Variants in SNX6 observed in about 807,000 individuals in gnomAD.
SNX6 encodes sorting nexin 6.
In SNX6, 34 loss-of-function variants were observed where a neutral mutation model predicts 63.0. The observed-to-expected ratio is 0.54, with a 90% CI of 0.41 to 0.72. The LOEUF is 0.72. Among genes scored for constraint, SNX6 ranks in the 30% least tolerant of loss-of-function variants. The pLI, the probability that SNX6 is intolerant of heterozygous loss-of-function variation, is 0.00. For missense variants in SNX6, 398 were observed against 471.4 expected, an observed-to-expected ratio of 0.84 and a Z score of 1.44; for synonymous variants, 170 against 164.2, an observed-to-expected ratio of 1.04 and a Z score of -0.27.
At chr14:34,623,168 A>G (rs1462348666) in intron 2 of SNX6, among the ~76,000 whole-genome samples, 1 of 152,202 alleles carries the variant, frequency 6.6e-6, no homozygotes, top group Non-Finnish European at 1.5e-5. Flanking sequence ...GTAACTATCA[A>G]TAAATGTGGC....
intron 4 of SNX6, among the ~76,000 whole-genome samples, chr14:34,607,345 C>A (rs563674054): frequency 2.4e-4 from 37 of 152,120 alleles, no homozygotes; most frequent in African/African-American, 8.7e-4. Flanking sequence ...GCAGCTCATG[C>A]CTGTAATCCC....
At chr14:34,620,151 G>A (rs1273162560) in intron 2 of SNX6, among the ~76,000 whole-genome samples, 1 of 152,156 alleles carries the variant, frequency 6.6e-6, no homozygotes, top group Admixed American at 6.6e-5. Context: ...GTCCAGTCCT[G>A]TGCAACTCTG....
At chr14:34,579,970 A>ACAT (rs1185837445) in intron 10 of SNX6, among the ~76,000 whole-genome samples, 7 of 152,214 alleles carry the variant, frequency 4.6e-5, no homozygotes, top group African/African-American at 1.7e-4. Flanking sequence ...AGATCACTTG[A>ACAT]CATCAGGACT....
intron 4 of SNX6, among the ~76,000 whole-genome samples, chr14:34,606,953 T>C (rs1279040709): frequency 6.6e-6 from 1 of 151,608 alleles, no homozygotes; most frequent in Non-Finnish European, 1.5e-5. Flanking sequence ...TTTTTAAAAA[T>C]ATTTTTAGTA....
At chr14:34,599,941 A>G (rs1404470605) in intron 6 of SNX6, among the ~76,000 whole-genome samples, 1 of 152,022 alleles carries the variant, frequency 6.6e-6, no homozygotes, top group Non-Finnish European at 1.5e-5. Context: ...CATAGCTCAA[A>G]TTCTAACAGC....
chr14:34,630,117 G>T lies in SNX6; in HGVS notation c.-1C>A. 1.5e-6 allele frequency: 2 copies of T among 1,378,992 alleles called. No homozygotes were observed. Among genetic ancestry groups the T allele is most frequent in the Non-Finnish European group, 1.9e-6 (2 of 1,073,588 alleles). The allele number at this position is 1,378,992 out of a possible 1,614,324, so 85.4% of individuals were successfully genotyped here. A position where few individuals can be genotyped will look rare whatever the true frequency, so the allele number is the denominator to read the frequency against. On this transcript the variant is annotated 5_prime_UTR_variant, in exon 1 of 14. Transcript: ENST00000362031. ...CGCCGCGGAGAACACCCACCATCATGGCTGCTCCGAGGCGAGGGCCGGCGC... is the reference window on the plus strand; with the variant it reads ...CGCCGCGGAGAACACCCACCATCATTGCTGCTCCGAGGCGAGGGCCGGCGC...
intron 6 of SNX6, among the ~76,000 whole-genome samples, chr14:34,602,457 G>A (rs1436900266): frequency 3.3e-5 from 5 of 151,456 alleles, no homozygotes; most frequent in Non-Finnish European, 7.4e-5. Context: ...TGGGCATGGC[G>A]GCATGCGCCT....
At chr14:34,567,610 G>C (rs879376341) in intron 13 of SNX6, 76 bp downstream of exon 13, 221 of 1,127,500 alleles carry the variant, frequency 2.0e-4, no homozygotes, top group Non-Finnish European at 2.7e-4. Context: ...TGACATTAAA[G>C]AATTATCAAT....
At chr14:34,612,915 G>A (rs1313025931) in intron 2 of SNX6, among the ~76,000 whole-genome samples, 1 of 151,922 alleles carries the variant, frequency 6.6e-6, no homozygotes, top group Non-Finnish European at 1.5e-5. Context: ...TGGGTGCGGT[G>A]GTGCATGCCT....
At chr14:34,628,098 C>T (rs770398703) in intron 2 of SNX6, among the ~76,000 whole-genome samples, 2 of 152,136 alleles carry the variant, frequency 1.3e-5, no homozygotes, top group African/African-American at 2.4e-5. Context: ...CGCCTATAAT[C>T]GCAGGAGGAT....
intron 10 of SNX6, among the ~76,000 whole-genome samples, chr14:34,579,364 T>C (rs1265458197): frequency 6.6e-6 from 1 of 152,118 alleles, no homozygotes; most frequent in Non-Finnish European, 1.5e-5. Context: ...ATGCCTGTAA[T>C]CCCAATGCTT....
At chr14:34,623,318 T>C (rs1313484441) in intron 2 of SNX6, among the ~76,000 whole-genome samples, 1 of 152,008 alleles carries the variant, frequency 6.6e-6, no homozygotes, top group Non-Finnish European at 1.5e-5. Context: ...CAGTCAAGTG[T>C]AGACGTACTT....
At chr14:34,621,092 G>C (rs1459000985) in intron 2 of SNX6, among the ~76,000 whole-genome samples, 2 of 152,074 alleles carry the variant, frequency 1.3e-5, no homozygotes, top group Non-Finnish European at 2.9e-5. Flanking sequence ...AGGACTAAAT[G>C]CATGTGTGAC....
rs768617701 is a variant in SNX6 at position 34,630,060 on chromosome 14, C to T, written c.6+51G>A. On this transcript the variant is annotated intron_variant, in intron 1 of 13. Coordinates refer to ENST00000362031, the MANE Select transcript of SNX6 (RefSeq NM_152233.4). ...GCGCGGTCCCCGCGCCCGCCCCGCG[C>T]CCGCTGCCCCCACCGCGCTCCCGGG... 4.1e-6 allele frequency: 6 copies of T among 1,457,338 alleles called. No homozygotes were observed. The South Asian group carries it at 6.8e-5, about 17-fold the overall frequency. 90.3% of individuals were successfully genotyped at this position (1,457,338 alleles called of 1,614,324 possible).
chr14:34,589,075 A>G (rs1371078610), intron 8 of SNX6, among the ~76,000 whole-genome samples: 1 of 152,166 alleles, frequency 6.6e-6, no homozygotes, highest in Non-Finnish European at 1.5e-5. Context: ...CGGAGGTTGC[A>G]GTGAGCCAAG....
intron 2 of SNX6, among the ~76,000 whole-genome samples, chr14:34,622,158 C>T (rs974995521): frequency 2.0e-5 from 3 of 150,890 alleles, no homozygotes; most frequent in African/African-American, 2.4e-5. Flanking sequence ...GTTGGGGTTT[C>T]GTCACGTTGG....
chr14:34,565,140 T>G (rs1006346376), intron 13 of SNX6, among the ~76,000 whole-genome samples: 1 of 150,728 alleles, frequency 6.6e-6, no homozygotes, highest in Admixed American at 6.6e-5. Flanking sequence ...TGCAGTGGCA[T>G]GATCTCAGCT....
Position 34,593,917 on chromosome 14 carries a change from T to C in SNX6, c.613-767A>G, listed in dbSNP as rs974669713. Among the ~76,000 whole-genome samples, 6 of 152,140 alleles carry C rather than the reference T, an allele frequency of 3.9e-5. No homozygotes were observed. The East Asian group carries it at 5.8e-4, about 15-fold the overall frequency. On this transcript the variant is annotated intron_variant, in intron 7 of 13. Coordinates refer to ENST00000362031, the MANE Select transcript of SNX6 (RefSeq NM_152233.4). ...TTTTAGTAGAGACAGGGTTTCGCCATGTTGGCCAGGCTGGTCTCAAGTTTC... is the reference window on the plus strand; with the variant it reads ...TTTTAGTAGAGACAGGGTTTCGCCACGTTGGCCAGGCTGGTCTCAAGTTTC...
At chr14:34,582,545 G>A (rs1350378562) in intron 9 of SNX6, among the ~76,000 whole-genome samples, 1 of 151,788 alleles carries the variant, frequency 6.6e-6, no homozygotes, top group African/African-American at 2.4e-5. Context: ...CATTAAACGT[G>A]TTTTTGTTGT....
Sources: allele counts gnomAD v4.1 joint callset (sites outside exome capture counted in the v4.1 genomes callset), GRCh38; gene constraint gnomAD v4.1.1; transcripts MANE v1.5; gene names NCBI Gene and HGNC (gene_info 2026-07-23, HGNC 2026-07-21).